Variants in LRCH1 observed in about 807,000 individuals in gnomAD.
The protein encoded by LRCH1 is leucine-rich repeat and calponin homology domain-containing protein 1.
A neutral mutation model predicts 94.9 loss-of-function variants in LRCH1; 23 were observed. The observed-to-expected ratio is 0.24, with a 90% CI of 0.17 to 0.34. The LOEUF is 0.34. LRCH1 is among the 10% of genes least tolerant of loss of function. The pLI, the probability that LRCH1 is intolerant of heterozygous loss-of-function variation, is 1.00. For missense variants in LRCH1, 790 were observed against 945.9 expected (o/e 0.84, Z 2.16); for synonymous variants, 364 against 354.9 (o/e 1.03, Z -0.29).
chr13:46,696,214 ACAC>A (rs755928188), intron 9 of LRCH1, among the ~76,000 whole-genome samples: 18 of 151,594 alleles, frequency 1.2e-4, no homozygotes, highest in Admixed American at 4.6e-4. Context: ...ACACACACAC[ACAC>A]ACACACACAC....
In LRCH1 at chr13:46,567,492, T is replaced by TTGTGTGTGTGTGTGTGTG. The variant is rs35848521; in HGVS notation, c.307+13807_307+13824dup. 7.4e-3 allele frequency among the ~76,000 whole-genome samples: 1,045 copies of TTGTGTGTGTGTGTGTGTG among 141,934 alleles called. 12 individuals carry two copies. The highest frequency in any genetic ancestry group is 0.024 in the African/African-American group (901 of 37,046). 93.1% of individuals were successfully genotyped at this position (141,934 alleles called of 152,430 possible). A position where few individuals can be genotyped will look rare whatever the true frequency, so the allele number is the denominator to read the frequency against. The stretch of plus-strand genomic sequence containing the variant: ...TCTCTGCATGCAATTTAAGGCAATT[T>TTGTGTGTGTGTGTGTGTG]TGTGTGTGTGTGTGTGTGTGTGTGT... On this transcript the variant is annotated intron_variant, in intron 1 of 19. Transcript: ENST00000389797.
intron 1 of LRCH1, among the ~76,000 whole-genome samples, chr13:46,642,269 A>G (rs994333896): frequency 1.4e-4 from 21 of 152,212 alleles, no homozygotes; most frequent in Non-Finnish European, 2.6e-4. Context: ...TCTACAAGCT[A>G]TACCCATATG....
intron 1 of LRCH1, among the ~76,000 whole-genome samples, chr13:46,592,088 G>A (rs1364955658): frequency 6.6e-6 from 1 of 152,218 alleles, no homozygotes; most frequent in Non-Finnish European, 1.5e-5. Context: ...TTTGAACATA[G>A]GATTGCAATG....
At chr13:46,675,603 A>T (rs973406824) in intron 3 of LRCH1, among the ~76,000 whole-genome samples, 10 of 152,070 alleles carry the variant, frequency 6.6e-5, no homozygotes, top group African/African-American at 2.2e-4. Flanking sequence ...TCAAAGATTG[A>T]TTATTGAGCA....
intron 9 of LRCH1, among the ~76,000 whole-genome samples, chr13:46,696,533 T>C (rs1423814964): frequency 6.6e-6 from 1 of 152,106 alleles, no homozygotes; most frequent in East Asian, 1.9e-4. Context: ...TTTCCCTGGA[T>C]TCAGAGATTT....
intron 3 of LRCH1, among the ~76,000 whole-genome samples, chr13:46,676,799 A>T (rs2051679721): frequency 6.6e-6 from 1 of 152,026 alleles, no homozygotes; most frequent in Non-Finnish European, 1.5e-5. Flanking sequence ...TTGTTTTGAG[A>T]CAGGGTCTTA....
At chr13:46,623,693 G>GTTTTTTTTTTT (rs5803361) in intron 1 of LRCH1, among the ~76,000 whole-genome samples, 27 of 128,442 alleles carry the variant, frequency 2.1e-4, no homozygotes, top group Admixed American at 2.4e-4. Flanking sequence ...CCCTGTCTCT[G>GTTTTTTTTTTT]TTTTTTTTTT....
chr13:46,743,984 G>A lies in LRCH1; in HGVS notation c.*2136G>A, dbSNP rs554915722. The A allele has an allele frequency of 5.9e-5, 58 of 985,350 alleles. No homozygotes were observed. In the African/African-American group the frequency reaches 9.1e-4, roughly 15 times the overall value. 61.0% of individuals were successfully genotyped at this position (985,350 alleles called of 1,614,324 possible). Reference sequence around the variant, plus strand: ...GCGCTGCACTTCTTGGGATTTATTGGATGATGTTTTTTCATTAGTAGTATG... The same window carrying A: ...GCGCTGCACTTCTTGGGATTTATTGAATGATGTTTTTTCATTAGTAGTATG... On this transcript the variant is annotated 3_prime_UTR_variant, in exon 20 of 20. Coordinates refer to ENST00000389797, the MANE Select transcript of LRCH1 (RefSeq NM_001164211.2).
rs540821255 is a variant in LRCH1, at chr13:46,573,866, ATTTT to A, written c.307+20174_307+20177del. ...GTCAAATATATATATATATATATAT[ATTTT>A]TTTTTTTTTTGAGATGGAGTCTTAC... On this transcript the variant is annotated intron_variant, in intron 1 of 19. Transcript: ENST00000389797. Among the ~76,000 whole-genome samples the A allele has an allele frequency of 9.5e-5, 6 of 63,394 alleles. 1 individual carries two copies. The highest frequency in any genetic ancestry group is 6.7e-4 in the South Asian group (1 of 1,494). The allele number at this position is 63,394 out of a possible 152,430, so 41.6% of individuals were successfully genotyped here. A position where few individuals can be genotyped will look rare whatever the true frequency, so the allele number is the denominator to read the frequency against.
exon 19 of LRCH1, chr13:46,750,575 A>G (rs1874083842): frequency 1.3e-6 from 2 of 1,552,134 alleles, no homozygotes; most frequent in Non-Finnish European, 8.7e-7. Context: ...TCCTTGAAGA[A>G]AAAGGCCTGG....
At chr13:46,609,063 T>C (rs1241502817) in intron 1 of LRCH1, among the ~76,000 whole-genome samples, 1 of 152,226 alleles carries the variant, frequency 6.6e-6, no homozygotes, top group Non-Finnish European at 1.5e-5. Flanking sequence ...ATTTTCTTAA[T>C]GTCCACAAAG....
intron 1 of LRCH1, among the ~76,000 whole-genome samples, chr13:46,583,048 T>C (rs1594261491): frequency 6.6e-6 from 1 of 152,310 alleles, no homozygotes; most frequent in East Asian, 1.9e-4. Flanking sequence ...GACCATCCAG[T>C]TTTTATATAT....
intron 1 of LRCH1, among the ~76,000 whole-genome samples, chr13:46,596,231 G>GAAT (rs1401359211): frequency 1.3e-5 from 2 of 152,160 alleles, no homozygotes; most frequent in African/African-American, 4.8e-5. Context: ...GGTGAATTTT[G>GAAT]AATGTTTCCT....
At chr13:46,579,170 G>A (rs929498450) in intron 1 of LRCH1, among the ~76,000 whole-genome samples, 11 of 152,164 alleles carry the variant, frequency 7.2e-5, no homozygotes, top group Admixed American at 3.3e-4. Context: ...CCAGTCCCTC[G>A]TCTAAGCAGG....
chr13:46,701,063 A>G, intron 10 of LRCH1, 58 bp from the exon 11 acceptor site: 1 of 1,027,260 alleles, frequency 9.7e-7, no homozygotes, highest in Non-Finnish European at 1.5e-6. Flanking sequence ...TTAAGAAATT[A>G]GATGATATTC....
At chr13:46,576,316 A>AT (rs1566152546) in intron 1 of LRCH1, among the ~76,000 whole-genome samples, 1 of 152,112 alleles carries the variant, frequency 6.6e-6, no homozygotes, top group Non-Finnish European at 1.5e-5. Context: ...TCTTGTTCTA[A>AT]TTTTTTTCCG....
At chr13:46,670,132 C>T (rs1012382027) in intron 3 of LRCH1, among the ~76,000 whole-genome samples, 7 of 152,188 alleles carry the variant, frequency 4.6e-5, no homozygotes, top group African/African-American at 1.7e-4. Context: ...ATGTCACATA[C>T]GTATCAACTT....
intron 2 of LRCH1, among the ~76,000 whole-genome samples, chr13:46,661,739 A>G (rs1219072334): frequency 3.9e-5 from 6 of 152,210 alleles, no homozygotes; most frequent in Admixed American, 3.9e-4. Context: ...TCTAGAAATA[A>G]ATGGAGAGGA....
At chr13:46,665,051 A>G (rs2051497246) in intron 2 of LRCH1, among the ~76,000 whole-genome samples, 1 of 151,928 alleles carries the variant, frequency 6.6e-6, no homozygotes. Context: ...TGTTATATAA[A>G]TTTTTCTATA....
Sources: gnomAD v4.1 joint callset for allele counts (sites outside exome capture counted in the v4.1 genomes callset) on GRCh38, gnomAD v4.1.1 for gene constraint, MANE v1.5 for transcripts, NCBI Gene and HGNC (gene_info 2026-07-23, HGNC 2026-07-21) for gene names.